Variants in HTT observed in about 807,000 individuals in gnomAD.
HTT encodes huntingtin, also known as huntington disease protein.
HTT carries 104 observed loss-of-function variants against 362.3 expected under a neutral mutation model. The observed-to-expected ratio is 0.29, with a 90% CI of 0.24 to 0.34. The LOEUF is 0.34. Ranked by LOEUF, HTT falls within the 10% of genes least tolerant of loss-of-function variation. The pLI is 1.00. For synonymous variants in HTT, 1,577 were observed against 1,548.7 expected, an observed-to-expected ratio of 1.02 and a Z score of -0.43; for missense variants, 3,301 against 3,928.6, an observed-to-expected ratio of 0.84 and a Z score of 4.27.
chr4:3,077,634 G>A (rs1712630687), intron 1 of HTT, among the ~76,000 whole-genome samples: 2 of 152,078 alleles, frequency 1.3e-5, no homozygotes, highest in African/African-American at 4.8e-5. Flanking sequence ...TGGCCAGGCT[G>A]GTCTTGAACT....
intron 1 of HTT, among the ~76,000 whole-genome samples, chr4:3,077,669 C>T (rs1452198236): frequency 5.9e-5 from 9 of 152,144 alleles, no homozygotes; most frequent in African/African-American, 9.7e-5. Flanking sequence ...CTGTCCACCT[C>T]GGCCTCCCAA....
intron 40 of HTT, among the ~76,000 whole-genome samples, chr4:3,191,278 A>T (rs1158148523): frequency 2.6e-5 from 4 of 151,780 alleles, no homozygotes; most frequent in Non-Finnish European, 5.9e-5. Context: ...GGTTCAAGCA[A>T]TTCTCCTGCC....
In HTT at chr4:3,211,702, AAGAG is replaced by A. The variant is rs576655387; in HGVS notation, c.6415-223_6415-220del. Among the ~76,000 whole-genome samples, 703 of 152,380 alleles carry A rather than the reference AAGAG, an allele frequency of 4.6e-3. 3 individuals carry two copies. Among genetic ancestry groups the A allele is most frequent in the Non-Finnish European group, 6.3e-3 (432 of 68,042 alleles). On this transcript the variant is annotated intron_variant, in intron 47 of 66. Coordinates refer to ENST00000355072, the MANE Select transcript of HTT (RefSeq NM_001388492.1). ...AAATTAAAATATTACTTAAAATACTAAGAGAGAACAGATATATATTTTACTAAGC... is the reference window on the plus strand; with the variant it reads ...AAATTAAAATATTACTTAAAATACTAAGAACAGATATATATTTTACTAAGC...
At chr4:3,105,912 T>C (rs1232134282) in intron 5 of HTT, among the ~76,000 whole-genome samples, 3 of 152,232 alleles carry the variant, frequency 2.0e-5, no homozygotes, top group African/African-American at 7.2e-5. Flanking sequence ...AGTTGTATCT[T>C]AACGGATTGA....
intron 1 of HTT, among the ~76,000 whole-genome samples, chr4:3,078,510 C>T (rs1342521115): frequency 6.6e-6 from 1 of 152,158 alleles, no homozygotes; most frequent in Admixed American, 6.5e-5. Context: ...CCCAGAAAGC[C>T]TGCTAGACAA....
intron 37 of HTT, among the ~76,000 whole-genome samples, chr4:3,184,491 G>A (rs1045432664): frequency 6.6e-6 from 1 of 152,144 alleles, no homozygotes; most frequent in African/African-American, 2.4e-5. Flanking sequence ...TGTGAGACCC[G>A]GCACTGGAGT....
chr4:3,175,212 C>A, intron 33 of HTT, 105 bp downstream of exon 33: 1 of 1,069,514 alleles, frequency 9.4e-7, no homozygotes, highest in Non-Finnish European at 1.4e-6. Context: ...CTGCATGTTT[C>A]CCTCATCAGT....
chr4:3,176,551 G>A (rs913316866), intron 33 of HTT, among the ~76,000 whole-genome samples: 1 of 152,214 alleles, frequency 6.6e-6, no homozygotes, highest in Non-Finnish European at 1.5e-5. Flanking sequence ...GCTGAGAGGA[G>A]CAGGCTCTCA....
In HTT at chr4:3,220,916, T is replaced by C. The variant is rs1720641524; in HGVS notation, c.7369+608T>C. On this transcript the variant is annotated intron_variant, in intron 53 of 66. Coordinates refer to ENST00000355072, the MANE Select transcript of HTT (RefSeq NM_001388492.1). ...TAAAATGGGGGTCGTGTCTATTTCA[T>C]AGAATTGTTGCAGATTTAGAAATTA... 2.0e-5 allele frequency among the ~76,000 whole-genome samples: 3 copies of C among 152,192 alleles called. No homozygotes were observed. The South Asian group carries it at 6.2e-4, about 32-fold the overall frequency.
intron 65 of HTT, 85 bp downstream of exon 65, chr4:3,238,694 GC>G: frequency 6.7e-7 from 1 of 1,483,576 alleles, no homozygotes; most frequent in Non-Finnish European, 9.2e-7. Flanking sequence ...CGCCAGCAGA[GC>G]CCAGCTCCTC....
chr4:3,183,983 G>C (rs559359981), intron 37 of HTT, among the ~76,000 whole-genome samples: 7 of 152,266 alleles, frequency 4.6e-5, no homozygotes, highest in African/African-American at 1.4e-4. Flanking sequence ...TTCTTGGAGT[G>C]AAGATTTTGT....
intron 27 of HTT, among the ~76,000 whole-genome samples, chr4:3,155,518 C>T (rs1378157087): frequency 6.6e-6 from 1 of 151,318 alleles, no homozygotes; most frequent in Non-Finnish European, 1.5e-5. Context: ...AGTCACTGTA[C>T]CCGGCCTATT....
chr4:3,138,201 T>G (rs188802808), intron 21 of HTT, among the ~76,000 whole-genome samples: 91 of 150,118 alleles, frequency 6.1e-4, no homozygotes, highest in African/African-American at 1.6e-3. Flanking sequence ...CTGCCTGCCT[T>G]CCTTCCTTCC....
intron 64 of HTT, among the ~76,000 whole-genome samples, chr4:3,238,106 C>T (rs1721625667): frequency 6.6e-6 from 1 of 151,532 alleles, no homozygotes; most frequent in South Asian, 2.1e-4. Flanking sequence ...AGTTCTGGTC[C>T]CTACAGGGCG....
intron 1 of HTT, among the ~76,000 whole-genome samples, chr4:3,077,051 G>A (rs892208706): frequency 1.3e-5 from 2 of 151,984 alleles, no homozygotes; most frequent in African/African-American, 4.8e-5. Context: ...GGTGGCACGT[G>A]CCTGTAATCC....
chr4:3,185,483 G>T (rs536723299), intron 37 of HTT, among the ~76,000 whole-genome samples: 7 of 152,322 alleles, frequency 4.6e-5, no homozygotes, highest in African/African-American at 1.7e-4. Flanking sequence ...ACATCTGTTT[G>T]CAGAGTTGTT....
chr4:3,112,119 T>C (rs1401854701), intron 6 of HTT, among the ~76,000 whole-genome samples: 13 of 152,238 alleles, frequency 8.5e-5, no homozygotes, highest in Non-Finnish European at 1.6e-4. Context: ...ATATATGCTT[T>C]ATACAACTTC....
chr4:3,108,409 G>A (rs937396012), intron 6 of HTT, among the ~76,000 whole-genome samples: 1 of 152,214 alleles, frequency 6.6e-6, no homozygotes, highest in Non-Finnish European at 1.5e-5. Context: ...GTAAATGGTA[G>A]TTTCTGCTGC....
chr4:3,160,659 A>C (rs1412920878), intron 29 of HTT, among the ~76,000 whole-genome samples: 1 of 152,108 alleles, frequency 6.6e-6, no homozygotes, highest in Non-Finnish European at 1.5e-5. Flanking sequence ...GGGTTTCAAA[A>C]TGTGTTTGTA....
Sources: gnomAD v4.1 joint callset for allele counts (sites outside exome capture counted in the v4.1 genomes callset) on GRCh38, gnomAD v4.1.1 for gene constraint, MANE v1.5 for transcripts, NCBI Gene and HGNC (gene_info 2026-07-23, HGNC 2026-07-21) for gene names.